The following INO80D variants were observed in gnomAD, a reference collection of about 807,000 sequenced individuals.
The protein encoded by INO80D is INO80 complex subunit D.
A neutral mutation model predicts 87.6 loss-of-function variants in INO80D; 21 were observed. The ratio of observed to expected loss-of-function variants is 0.24; its 90% CI spans 0.17 to 0.35. The LOEUF is 0.35. Among genes scored for constraint, INO80D ranks in the 10% least tolerant of loss-of-function variants. INO80D has a pLI of 1.00. For synonymous variants in INO80D, 440 were observed against 491.0 expected, an observed-to-expected ratio of 0.90 and a Z score of 1.37; for missense variants, 982 against 1,280.7, an observed-to-expected ratio of 0.77 and a Z score of 3.56.
chr2:206,031,779 C>T (rs1393616996), intron 5 of INO80D, among the ~76,000 whole-genome samples: 3 of 152,208 alleles, frequency 2.0e-5, no homozygotes, highest in Admixed American at 1.3e-4. Context: ...CAAGAACAAA[C>T]CAGGAATCCC....
At chr2:206,045,186 T>G (rs1180232993) in intron 5 of INO80D, among the ~76,000 whole-genome samples, 4 of 152,224 alleles carry the variant, frequency 2.6e-5, no homozygotes, top group Admixed American at 2.6e-4. Context: ...AAGCTTCTGA[T>G]GATAATTTGC....
intron 5 of INO80D, among the ~76,000 whole-genome samples, chr2:206,030,009 A>G (rs1002897819): frequency 2.6e-5 from 4 of 152,042 alleles, no homozygotes; most frequent in Non-Finnish European, 4.4e-5. Flanking sequence ...TCCATGGTAT[A>G]GGGCCCAGGA....
At chr2:206,025,542 A>AAATATATATATATAT (rs71301548) in intron 6 of INO80D, 5 of 76,942 alleles carry the variant, frequency 6.5e-5, no homozygotes, top group Non-Finnish European at 1.0e-4. Context: ...AAAAAAAAAA[A>AAATATATATATATAT]ATATATATAT....
At chr2:206,010,673 T>G (rs1688148445) in intron 8 of INO80D, among the ~76,000 whole-genome samples, 1 of 152,142 alleles carries the variant, frequency 6.6e-6, no homozygotes, top group Non-Finnish European at 1.5e-5. Flanking sequence ...AGAATAAAAT[T>G]AAAGCATAAA....
intron 1 of INO80D, among the ~76,000 whole-genome samples, chr2:206,074,545 C>T (rs1230733878): frequency 2.1e-5 from 3 of 142,950 alleles, no homozygotes; most frequent in Non-Finnish European, 4.6e-5. Flanking sequence ...ACCCGGGAGG[C>T]GGAGGTTGCA....
At position 206,056,629 on chromosome 2, in the gene INO80D, C is replaced by T. The variant is rs556409576; in HGVS notation, c.533G>A (p.Arg178Gln). 5.0e-6 allele frequency: 8 copies of T among 1,611,076 alleles called. No individual in the cohort carries two copies. Among genetic ancestry groups the T allele is most frequent in the East Asian group, 2.2e-5 (1 of 44,842 alleles). ...AATCTCTGTCTCTCTCTGGCGCTGCCGATTCTGGGCCAACTTGCTCTGCAA... is the reference window on the plus strand; with the variant it reads ...AATCTCTGTCTCTCTCTGGCGCTGCTGATTCTGGGCCAACTTGCTCTGCAA... ...KKLQSKLAQN[R>Q]QRQRETEILK... Residue 178 changes from arginine (R) to glutamine (Q), a missense_variant, in exon 4 of 11, where the codon CGG becomes CAG. Coordinates refer to ENST00000403263, the MANE Select transcript of INO80D (RefSeq NM_017759.5).
rs753816963 is a variant in INO80D, at chr2:206,005,048, G to T, written c.2404C>A (p.Leu802Met). 9 of 1,613,868 alleles carry T rather than the reference G, an allele frequency of 5.6e-6. No homozygotes were observed. The South Asian group carries it at 9.9e-5, about 18-fold the overall frequency. ...HASQRPHPAQLLSKADDLITS... is the reference protein window; with the variant it reads ...HASQRPHPAQMLSKADDLITS... ...ATTAGGTCATCTGCCTTGCTCAGCA[G>T]CTGGGCAGGATGTGGCCTCTGGGAG... Residue 802 changes from leucine (L) to methionine (M), a missense_variant, in exon 11 of 11, where the codon CTG (leucine) becomes ATG (methionine). Leu to Met is a conservative substitution (Grantham distance 15). Coordinates refer to ENST00000403263, the MANE Select transcript of INO80D (RefSeq NM_017759.5).
intron 3 of INO80D, among the ~76,000 whole-genome samples, chr2:206,059,036 GCAA>G (rs1689608305): frequency 6.8e-6 from 1 of 146,442 alleles, no homozygotes; most frequent in Non-Finnish European, 1.5e-5. Context: ...ATCGACCTGA[GCAA>G]CATAGCAAGA....
chr2:206,026,017 C>T (rs1409880027), intron 6 of INO80D, among the ~76,000 whole-genome samples: 1 of 152,030 alleles, frequency 6.6e-6, no homozygotes, highest in African/African-American at 2.4e-5. Flanking sequence ...CCCACCTCAA[C>T]GTTCCTAGTA....
In INO80D at chr2:206,062,802, C is replaced by T. The variant is rs1313160003; in HGVS notation, c.215G>A (p.Arg72His). The T allele has an allele frequency of 3.1e-6, 5 of 1,602,368 alleles. No individual in the cohort carries two copies. Among genetic ancestry groups the T allele is most frequent in the African/African-American group, 1.3e-5 (1 of 74,150 alleles). ...CTNPIPKSEDRRYCNSHLQVL... is the reference protein window; with the variant it reads ...CTNPIPKSEDHRYCNSHLQVL... ...GATTCTCATGATTAGCCCTTACCTA[C>T]GATCCTCTGATTTGGGGATGGGGTT... The change falls in exon 3 of 11, where the codon CGT becomes CAT. Residue 72 changes from arginine to histidine, a missense_variant. Coordinates refer to ENST00000403263, the MANE Select transcript of INO80D (RefSeq NM_017759.5). This position sits in a 1 kb window ranked among gnomAD's most constrained non-coding sequence, Gnocchi z 4.6.
Position 206,003,926 on chromosome 2 carries a change from A to C in INO80D, c.*442T>G, listed in dbSNP as rs1362512512. The C allele has an allele frequency of 1.6e-5, 3 of 182,186 alleles. No individual in the cohort carries two copies. Among genetic ancestry groups the C allele is most frequent in the Non-Finnish European group, 3.6e-5 (3 of 83,982 alleles). The allele number at this position is 182,186 out of a possible 1,614,324, so 11.3% of individuals were successfully genotyped here. ...CTAGGTCAGAATCTTGACCTGCCAC[A>C]CACCATTTGCTGTCTCTTATACAGG... is the stretch of plus-strand genomic sequence containing the variant. On this transcript the variant is annotated 3_prime_UTR_variant, in exon 11 of 11. Coordinates refer to ENST00000403263, the MANE Select transcript of INO80D (RefSeq NM_017759.5).
chr2:206,048,482 C>G (rs1261390691), intron 4 of INO80D, among the ~76,000 whole-genome samples: 1 of 152,184 alleles, frequency 6.6e-6, no homozygotes, highest in Admixed American at 6.5e-5. Context: ...ATCTACCTGC[C>G]TTAGCCTCCC....
chr2:206,014,119 C>T (rs1414867205), intron 8 of INO80D, among the ~76,000 whole-genome samples: 1 of 148,098 alleles, frequency 6.8e-6, no homozygotes, highest in Admixed American at 6.7e-5. Context: ...GATTGCACCA[C>T]TGCACTCCAG....
intron 8 of INO80D, among the ~76,000 whole-genome samples, chr2:206,015,869 A>G (rs1093547): frequency 0.33 from 50,565 of 151,898 alleles, 8,994 homozygotes; most frequent in South Asian, 0.58. Flanking sequence ...CCTGGGTGAC[A>G]GAGTGAGACT....
At chr2:206,069,103 T>G (rs1226419425) in intron 1 of INO80D, among the ~76,000 whole-genome samples, 1 of 152,124 alleles carries the variant, frequency 6.6e-6, no homozygotes, top group African/African-American at 2.4e-5. Flanking sequence ...CTTTAGCCTT[T>G]AATTTAATCT....
intron 8 of INO80D, among the ~76,000 whole-genome samples, chr2:206,011,331 G>T (rs1017747521): frequency 2.6e-5 from 4 of 152,104 alleles, no homozygotes; most frequent in African/African-American, 9.7e-5. Flanking sequence ...TGATCACCTG[G>T]GTCAGATTCC....
chr2:206,073,671 G>A (rs914129885), intron 1 of INO80D, among the ~76,000 whole-genome samples: 1 of 151,798 alleles, frequency 6.6e-6, no homozygotes, highest in African/African-American at 2.4e-5. Flanking sequence ...ATGCCACCAC[G>A]CCCAGCTAAT....
At chr2:206,069,768 T>TA (rs781368763) in intron 1 of INO80D, among the ~76,000 whole-genome samples, 6 of 152,222 alleles carry the variant, frequency 3.9e-5, no homozygotes, top group Non-Finnish European at 7.3e-5. Context: ...TTTCCAGACT[T>TA]ACAACTACCT....
At chr2:206,073,660 C>G (rs1456999126) in intron 1 of INO80D, among the ~76,000 whole-genome samples, 1 of 152,050 alleles carries the variant, frequency 6.6e-6, no homozygotes, top group South Asian at 2.1e-4. Context: ...GCCACAAGCA[C>G]ATGCCACCAC....
Sources: gnomAD v4.1 joint callset for allele counts (sites outside exome capture counted in the v4.1 genomes callset) on GRCh38, gnomAD v4.1.1 for gene constraint, Gnocchi (gnomAD v3.1) non-coding constraint, MANE v1.5 for transcripts, NCBI Gene and HGNC (gene_info 2026-07-23, HGNC 2026-07-21) for gene names.